TTC7A: variants seen among roughly 807,000 people sequenced by gnomAD.
TTC7A encodes tetratricopeptide repeat protein 7A.
In TTC7A, 110 loss-of-function variants were observed where a neutral mutation model predicts 103.7. The ratio of observed to expected loss-of-function variants is 1.06; its 90% CI spans 0.91 to 1.24. The LOEUF (loss-of-function observed/expected upper bound fraction) is 1.24. TTC7A is among the 50% of genes most tolerant of loss of function. TTC7A has a pLI of 0.00. For synonymous variants in TTC7A, 521 were observed against 467.9 expected, an observed-to-expected ratio of 1.11 and a Z score of -1.47; for missense variants, 1,340 against 1,116.3, an observed-to-expected ratio of 1.20 and a Z score of -2.86.
Position 46,978,906 on chromosome 2 carries a change from G to T in TTC7A, c.763G>T (p.Gly255Trp). ...QSAYVKNLKK[G>W]NIVKGMRELR... is the part of the protein sequence containing the mutation. ...CGCCTATGTGAAAAACCTGAAGAAG[G>T]GGTAGGTCACTGGTAGTTGAGTGAG... Residue 255 changes from glycine (G) to tryptophan (W), a missense_variant and splice_region_variant, in exon 5 of 20, where the codon GGG (glycine) becomes TGG (tryptophan). Physicochemically the swap from Gly to Trp is radical, Grantham distance 184 (BLOSUM62 -2). Transcript: ENST00000319190. The T allele has an allele frequency of 1.2e-6, 2 of 1,611,602 alleles. No homozygotes were observed. Among genetic ancestry groups the T allele is most frequent in the Non-Finnish European group, 1.7e-6 (2 of 1,177,772 alleles).
chr2:46,916,911 G>T (rs920865808), intron 1 of TTC7A, among the ~76,000 whole-genome samples: 3 of 152,022 alleles, frequency 2.0e-5, no homozygotes, highest in African/African-American at 4.8e-5. Context: ...GGGATTACAG[G>T]CGTGAGCCAC....
intron 3 of TTC7A, among the ~76,000 whole-genome samples, chr2:46,965,290 TTGGTTTTTGTGTTTTTAGCCC>T (rs1449690582): frequency 1.3e-5 from 2 of 152,238 alleles, no homozygotes; most frequent in Non-Finnish European, 2.9e-5. Flanking sequence ...GATAGCATAC[TTGGTTTTTGTGTTTTTAGCCC>T]TGGTATGGCG....
intron 2 of TTC7A, among the ~76,000 whole-genome samples, chr2:46,930,226 T>C (rs1669620272): frequency 6.6e-6 from 1 of 152,152 alleles, no homozygotes; most frequent in South Asian, 2.1e-4. Flanking sequence ...CAAAAACTGG[T>C]TCTTTTTTCA....
In TTC7A at chr2:47,060,850, A is replaced by G; in HGVS notation, c.2234A>G (p.His745Arg). 1.2e-6 allele frequency: 2 copies of G among 1,613,804 alleles called. No homozygotes were observed. Among genetic ancestry groups the G allele is most frequent in the Non-Finnish European group, 1.7e-6 (2 of 1,179,912 alleles). The change falls in exon 19 of 20, where the codon CAC becomes CGC. Residue 745 changes from histidine (H) to arginine (R), a missense_variant. By Grantham distance (29) the His-to-Arg change is conservative. Coordinates refer to ENST00000319190, the MANE Select transcript of TTC7A (RefSeq NM_020458.4). ...GCGGCGGGCCTCTTCCCCACTTCTC[A>G]CTCAGTACTCTATATGCGGGGCCGG... ...QEAAGLFPTS[H>R]SVLYMRGRLA...
At chr2:46,977,596 G>A (rs1024623065) in intron 4 of TTC7A, among the ~76,000 whole-genome samples, 2 of 152,156 alleles carry the variant, frequency 1.3e-5, no homozygotes, top group Admixed American at 6.5e-5. Context: ...GGGACAGTAC[G>A]GTGCCTGGCA....
rs900932379 is a variant in TTC7A at position 46,941,433 on chromosome 2, C to A, written c.-109C>A. 4 of 1,206,260 alleles carry A rather than the reference C, an allele frequency of 3.3e-6. No individual in the cohort carries two copies. Among genetic ancestry groups the A allele is most frequent in the African/African-American group, 3.2e-5 (2 of 63,228 alleles). 74.7% of individuals were successfully genotyped at this position (1,206,260 alleles called of 1,614,324 possible). ...CCGCTGCCGCCCGGGCCCCGGCTGC[C>A]GTCTGCGCCCCCGTCGACCCCGCCC... On this transcript the variant is annotated 5_prime_UTR_variant, in exon 1 of 20. Transcript: ENST00000319190. The surrounding 1 kb of genome is among the most constrained non-coding windows in gnomAD (Gnocchi z 4.2).
chr2:47,013,997 T>C (rs1008388325), intron 11 of TTC7A, among the ~76,000 whole-genome samples: 1 of 152,206 alleles, frequency 6.6e-6, no homozygotes, highest in African/African-American at 2.4e-5. Context: ...CCTACCTGTC[T>C]TGGATACAGA....
chr2:47,067,511 C>A (rs775898756), intron 19 of TTC7A, among the ~76,000 whole-genome samples: 12 of 152,208 alleles, frequency 7.9e-5, no homozygotes, highest in African/African-American at 1.2e-4. Context: ...AGACAGGGAC[C>A]TCCAAGATGC....
At chr2:47,069,682 T>C (rs1235859436) in intron 19 of TTC7A, among the ~76,000 whole-genome samples, 2 of 152,146 alleles carry the variant, frequency 1.3e-5, no homozygotes, top group Admixed American at 1.3e-4. Flanking sequence ...CCAGGTCTGG[T>C]TGGACAGGTT....
chr2:46,985,709 A>C (rs552892689), intron 5 of TTC7A, among the ~76,000 whole-genome samples: 2 of 152,368 alleles, frequency 1.3e-5, no homozygotes, highest in East Asian at 3.9e-4. Flanking sequence ...CACCACGCCC[A>C]GCACAAAGCC....
rs114601682 is a variant in TTC7A at position 47,004,857 on chromosome 2, C to T, written c.1066-1065C>T. Among the ~76,000 whole-genome samples the T allele has an allele frequency of 7.0e-3, 1,072 of 152,198 alleles. 13 individuals are homozygous for T. The highest frequency in any genetic ancestry group is 0.024 in the African/African-American group (1,016 of 41,520). ...CCCCATGACTCCTGCAGCTGAGGAG[C>T]TTCTCCCTTTCCACCTTTTGCCCCC... On this transcript the variant is annotated intron_variant, in intron 8 of 19. Coordinates refer to ENST00000319190, the MANE Select transcript of TTC7A (RefSeq NM_020458.4).
chr2:47,063,431 T>C (rs4953456), intron 19 of TTC7A, among the ~76,000 whole-genome samples: 29,071 of 152,266 alleles, frequency 0.19, 4,397 homozygotes, highest in East Asian at 0.65. Flanking sequence ...AGCAAAGATG[T>C]GATCTTGGAA....
At chr2:46,922,573 T>C (rs748583561) in intron 2 of TTC7A, among the ~76,000 whole-genome samples, 7 of 152,300 alleles carry the variant, frequency 4.6e-5, no homozygotes, top group African/African-American at 9.6e-5. Context: ...GGCCAAGATA[T>C]ACAGCTTTAC....
In TTC7A at chr2:46,999,506, C is replaced by A. The variant is rs1391927479; in HGVS notation, c.1065+4307C>A. The A allele has an allele frequency of 3.0e-6, 3 of 985,338 alleles. No homozygotes were observed. The African/African-American group carries it at 5.2e-5, about 17-fold the overall frequency. The allele number at this position is 985,338 out of a possible 1,614,324, so 61.0% of individuals were successfully genotyped here. On this transcript the variant is annotated intron_variant, in intron 8 of 19. Coordinates refer to ENST00000319190, the MANE Select transcript of TTC7A (RefSeq NM_020458.4). Reference sequence around the variant, plus strand: ...TTCAAGGAGCTACAGCATGCGGGACCATGCTCAGCAATGTAAAGACAACGA... The same window carrying A: ...TTCAAGGAGCTACAGCATGCGGGACAATGCTCAGCAATGTAAAGACAACGA...
intron 19 of TTC7A, among the ~76,000 whole-genome samples, chr2:47,067,482 G>A (rs1684274661): frequency 6.6e-6 from 1 of 152,238 alleles, no homozygotes; most frequent in Admixed American, 6.5e-5. Flanking sequence ...TGAGAAGACA[G>A]GGAGGGAGTG....
chr2:47,072,012 A>G (rs1684775774), intron 19 of TTC7A, among the ~76,000 whole-genome samples: 1 of 152,036 alleles, frequency 6.6e-6, no homozygotes, highest in Non-Finnish European at 1.5e-5. Flanking sequence ...TTTGGTGCTT[A>G]ATTTTGTGTC....
intron 18 of TTC7A, among the ~76,000 whole-genome samples, chr2:47,059,009 CTTTTTTTTTTTTTTTTT>C (rs35753980): frequency 2.2e-5 from 1 of 44,702 alleles, no homozygotes; most frequent in African/African-American, 1.2e-4. Flanking sequence ...CCTAAGCCTG[CTTTTTTTTTTTTTTTTT>C]TTTTTTTTTT....
At chr2:46,948,481 C>A (rs775158352) in intron 1 of TTC7A, among the ~76,000 whole-genome samples, 3 of 152,136 alleles carry the variant, frequency 2.0e-5, no homozygotes, top group Non-Finnish European at 4.4e-5. Flanking sequence ...TTTTAAAAGT[C>A]ATGAGGTACA....
chr2:46,941,825 C>A lies in TTC7A; in HGVS notation c.184+100C>A, dbSNP rs1670429216. 1.4e-6 allele frequency: 2 copies of A among 1,448,822 alleles called. No individual in the cohort carries two copies. Among genetic ancestry groups the A allele is most frequent in the South Asian group, 2.6e-5 (2 of 77,866 alleles). 89.7% of individuals were successfully genotyped at this position (1,448,822 alleles called of 1,614,324 possible). On this transcript the variant is annotated intron_variant, in intron 1 of 19. Transcript: ENST00000319190. This position sits in a 1 kb window ranked among gnomAD's most constrained non-coding sequence, Gnocchi z 4.2. ...GACAGTCCTCGGCCGACAGCGGGCG[C>A]CTGCCAGCCCACCGTGCTAGTCTTA...
Sources: allele counts gnomAD v4.1 joint callset (sites outside exome capture counted in the v4.1 genomes callset), GRCh38; gene constraint gnomAD v4.1.1; non-coding constraint Gnocchi (gnomAD v3.1); transcripts MANE v1.5; gene names NCBI Gene and HGNC (gene_info 2026-07-23, HGNC 2026-07-21).